Variants in DDO observed in about 807,000 individuals in gnomAD.
The protein encoded by DDO is D-aspartate oxidase, DDO.
In DDO, 16 loss-of-function variants were observed where a neutral mutation model predicts 16.8. The observed-to-expected ratio is 0.95, with a 90% CI of 0.65 to 1.45. The LOEUF (loss-of-function observed/expected upper bound fraction) is 1.45. DDO is among the 40% of genes most tolerant of loss of function. The pLI is 0.00. For missense variants in DDO, 429 were observed against 420.3 expected, an observed-to-expected ratio of 1.02 and a Z score of -0.18; for synonymous variants, 180 against 167.2, an observed-to-expected ratio of 1.08 and a Z score of -0.59.
At chr6:110,391,366 T>C (rs965722264), downstream of DDO, among the ~76,000 whole-genome samples, 10 of 151,568 alleles carry the variant, frequency 6.6e-5, no homozygotes, top group Admixed American at 6.6e-4. Flanking sequence ...TTTTTTTTTT[T>C]TGAGACGGAG....
chr6:110,413,241 C>T (rs1054199121), intron 2 of DDO, 50 bp downstream of exon 2: 2 of 1,576,330 alleles, frequency 1.3e-6, no homozygotes, highest in Non-Finnish European at 1.7e-6. Flanking sequence ...CCACTAACAT[C>T]ATTCTATCTG....
Position 110,404,923 on chromosome 6 carries a change from A to C in DDO, c.309T>G (p.Thr103=). 1 of 1,614,244 alleles carries C rather than the reference A, an allele frequency of 6.2e-7. No homozygotes were observed. Among genetic ancestry groups the C allele is most frequent in the South Asian group, 1.1e-5 (1 of 91,084 alleles). Residue 103 remains threonine (T), a synonymous_variant, in exon 4 of 5, where the codon ACT becomes ACG. Transcript: ENST00000368924. The part of the protein sequence containing the change: ...SGWQIFQSTP[T]EEVPFWADVV... ...CGTCAGCCCAGAATGGCACTTCTTCAGTCGGAGTGCTCTGAAATATCTGCC... is the reference window on the plus strand; with the variant it reads ...CGTCAGCCCAGAATGGCACTTCTTCCGTCGGAGTGCTCTGAAATATCTGCC...
intron 3 of DDO, among the ~76,000 whole-genome samples, chr6:110,406,903 A>T (rs960546701): frequency 2.6e-5 from 4 of 152,170 alleles, no homozygotes; most frequent in African/African-American, 9.7e-5. Context: ...TTGGTAACTC[A>T]TGTCCCAGTG....
chr6:110,403,188 C>T (rs376623327), intron 4 of DDO, among the ~76,000 whole-genome samples: 21 of 152,086 alleles, frequency 1.4e-4, no homozygotes, highest in African/African-American at 5.1e-4. Context: ...TTTTGCCATG[C>T]CTAATAATTT....
At chr6:110,388,890 G>A (rs1169731396), downstream of DDO, 8 of 756,068 alleles carry the variant, frequency 1.1e-5, no homozygotes, top group African/African-American at 3.8e-5. Context: ...CAGTAGCACC[G>A]ATTACCCAGG....
intron 4 of DDO, among the ~76,000 whole-genome samples, chr6:110,401,960 T>C (rs1386377016): frequency 6.6e-6 from 1 of 152,246 alleles, no homozygotes; most frequent in African/African-American, 2.4e-5. Context: ...TTCCTCCTGC[T>C]ATGATGCAAT....
chr6:110,390,657 C>T (rs1773083317), downstream of DDO, among the ~76,000 whole-genome samples: 1 of 152,218 alleles, frequency 6.6e-6, no homozygotes, highest in South Asian at 2.1e-4. Context: ...ATCTGAACCA[C>T]AGGCATAGTG....
chr6:110,405,049 A>C, intron 3 of DDO, 99 bp from the exon 4 acceptor site: 1 of 1,218,888 alleles, frequency 8.2e-7, no homozygotes, highest in Non-Finnish European at 1.1e-6. Flanking sequence ...ATTTTATTTT[A>C]TTTTTGAGAC....
downstream of DDO, among the ~76,000 whole-genome samples, chr6:110,390,203 C>T (rs771713555): frequency 5.3e-4 from 81 of 152,254 alleles, 1 homozygote; most frequent in East Asian, 1.9e-4. Flanking sequence ...ATAATGGTGA[C>T]GCTAGCAGTG....
rs1198912826 is a variant in DDO at position 110,407,479 on chromosome 6, C to A, written c.281+855G>T. Among the ~76,000 whole-genome samples the A allele has an allele frequency of 2.0e-5, 3 of 152,122 alleles. No homozygotes were observed. In the East Asian group the frequency reaches 5.8e-4, roughly 29 times the overall value. The stretch of plus-strand genomic sequence containing the variant: ...AATTCACCCAATGCAAGTGTGTACA[C>A]TAGACTAGCAAAAAACCCCAGTGGG... On this transcript the variant is annotated intron_variant, in intron 3 of 4. Coordinates refer to ENST00000368924, the MANE Select transcript of DDO (RefSeq NM_001372108.2).
At chr6:110,391,090 C>A (rs1773090497), downstream of DDO, among the ~76,000 whole-genome samples, 1 of 152,158 alleles carries the variant, frequency 6.6e-6, no homozygotes, top group Non-Finnish European at 1.5e-5. Context: ...GTTAATACTG[C>A]AAGGAATGAT....
chr6:110,398,937 G>C (rs544448927), intron 4 of DDO, among the ~76,000 whole-genome samples: 2 of 152,192 alleles, frequency 1.3e-5, no homozygotes, highest in Non-Finnish European at 2.9e-5. Flanking sequence ...GCACAGAAAT[G>C]GGCCACCCAG....
chr6:110,408,426 C>T lies in DDO; in HGVS notation c.189G>A (p.Thr63=), dbSNP rs1005640093. The T allele has an allele frequency of 9.9e-6, 16 of 1,613,834 alleles. No individual in the cohort carries two copies. Among genetic ancestry groups the T allele is most frequent in the African/African-American group, 8.0e-5 (6 of 74,886 alleles). The part of the protein sequence containing the change: ...PHTYPDTPIH[T]QKQWFRETFN... ...AGGTTTCTCTGAACCACTGCTTCTG[C>T]GTGTGAATGGGTGTATCTGTAATCA... The change falls in exon 3 of 5, where the codon ACG becomes ACA. Residue 63 remains threonine (T), a synonymous_variant. Coordinates refer to ENST00000368924, the MANE Select transcript of DDO (RefSeq NM_001372108.2).
chr6:110,413,564 A>C, intron 1 of DDO, 98 bp from the exon 2 acceptor site: 2 of 1,246,244 alleles, frequency 1.6e-6, no homozygotes, highest in Admixed American at 4.0e-5. Flanking sequence ...GTCTTCAGCC[A>C]CTCAGAATAA....
chr6:110,399,401 G>A (rs1448795687), intron 4 of DDO, among the ~76,000 whole-genome samples: 1 of 152,242 alleles, frequency 6.6e-6, no homozygotes, highest in Non-Finnish European at 1.5e-5. Flanking sequence ...AAGAGGCGTA[G>A]GTGGCAACAA....
downstream of DDO, among the ~76,000 whole-genome samples, chr6:110,390,791 TC>T (rs1773085400): frequency 6.6e-6 from 1 of 152,268 alleles, no homozygotes; most frequent in Admixed American, 6.5e-5. Flanking sequence ...TGCTGTTTTA[TC>T]ATAACCTTTT....
At chr6:110,410,450 C>T (rs1456103215) in intron 2 of DDO, among the ~76,000 whole-genome samples, 1 of 152,200 alleles carries the variant, frequency 6.6e-6, no homozygotes, top group Non-Finnish European at 1.5e-5. Context: ...TCTCACACTG[C>T]TAATAAAGAC....
intron 4 of DDO, among the ~76,000 whole-genome samples, chr6:110,400,795 CA>C (rs1207838590): frequency 6.6e-6 from 1 of 152,234 alleles, no homozygotes; most frequent in African/African-American, 2.4e-5. Flanking sequence ...CACTAGGACT[CA>C]AAACTTACTC....
At chr6:110,405,181 C>T (rs4945858) in intron 3 of DDO, among the ~76,000 whole-genome samples, 96,267 of 151,844 alleles carry the variant, frequency 0.63, 31,134 homozygotes, top group East Asian at 0.86. Context: ...GGACCACAGG[C>T]GCTTGCTACC....
Sources: allele counts gnomAD v4.1 joint callset (sites outside exome capture counted in the v4.1 genomes callset), GRCh38; gene constraint gnomAD v4.1.1; transcripts MANE v1.5; gene names NCBI Gene and HGNC (gene_info 2026-07-23, HGNC 2026-07-21).